R3HDM1: variants seen among roughly 807,000 people sequenced by gnomAD.
R3HDM1 encodes R3H domain-containing protein 1.
In R3HDM1, 46 loss-of-function variants were observed where a neutral mutation model predicts 141.1. That is an observed-to-expected ratio of 0.33 (90% CI 0.26 to 0.42). The LOEUF is 0.42. Among genes scored for constraint, R3HDM1 ranks in the 10% least tolerant of loss-of-function variants. The pLI, the probability that R3HDM1 is intolerant of heterozygous loss-of-function variation, is 1.00. For synonymous variants in R3HDM1, 435 were observed against 472.9 expected (o/e 0.92, Z 1.04); for missense variants, 1,184 against 1,368.3 (o/e 0.87, Z 2.12).
At chr2:135,591,125 T>C (rs1366263997) in intron 1 of R3HDM1, among the ~76,000 whole-genome samples, 1 of 152,174 alleles carries the variant, frequency 6.6e-6, no homozygotes, top group African/African-American at 2.4e-5. Context: ...ATTCAACTGC[T>C]AGAGAATGTG....
intron 23 of R3HDM1, among the ~76,000 whole-genome samples, chr2:135,714,731 A>C (rs943308924): frequency 6.7e-6 from 1 of 150,058 alleles, no homozygotes; most frequent in Non-Finnish European, 1.5e-5. Context: ...GTTCCAAAAA[A>C]CACAGTGATA....
intron 7 of R3HDM1, among the ~76,000 whole-genome samples, chr2:135,630,600 G>C (rs2062610943): frequency 6.6e-6 from 1 of 152,114 alleles, no homozygotes; most frequent in Non-Finnish European, 1.5e-5. Flanking sequence ...AGTGTAGGAG[G>C]AGAATCAAAT....
chr2:135,600,785 T>G (rs1228265084), intron 1 of R3HDM1, among the ~76,000 whole-genome samples: 1 of 152,210 alleles, frequency 6.6e-6, no homozygotes. Context: ...ACTGGTTGTG[T>G]GACTTTGAAG....
intron 19 of R3HDM1, chr2:135,667,248 C>G: frequency 2.1e-6 from 2 of 957,622 alleles, no homozygotes; most frequent in Non-Finnish European, 2.5e-6. Context: ...CTGTGGAGCC[C>G]TCCAGGGAAG....
chr2:135,694,248 A>G (rs1227771169), intron 21 of R3HDM1, among the ~76,000 whole-genome samples: 3 of 152,204 alleles, frequency 2.0e-5, no homozygotes, highest in Admixed American at 2.0e-4. Context: ...CAACCTATAT[A>G]ACAAGCAGTC....
intron 1 of R3HDM1, among the ~76,000 whole-genome samples, chr2:135,556,052 A>T (rs573016670): frequency 2.0e-4 from 30 of 152,248 alleles, no homozygotes; most frequent in African/African-American, 6.7e-4. Flanking sequence ...GAAGGAATGA[A>T]GTGTTGACAC....
intron 19 of R3HDM1, 108 bp from the exon 20 acceptor site, chr2:135,675,224 T>A: frequency 8.7e-7 from 1 of 1,155,432 alleles, no homozygotes; most frequent in Non-Finnish European, 1.2e-6. Context: ...TACCATTTAA[T>A]CAAAATTTTA....
intron 21 of R3HDM1, among the ~76,000 whole-genome samples, chr2:135,685,822 G>C (rs2071231484): frequency 1.3e-5 from 2 of 152,142 alleles, no homozygotes; most frequent in Non-Finnish European, 1.5e-5. Context: ...AAGCCAGTGT[G>C]ACCTTGGACA....
intron 1 of R3HDM1, among the ~76,000 whole-genome samples, chr2:135,547,251 A>C (rs1032330476): frequency 6.6e-6 from 1 of 152,190 alleles, no homozygotes; most frequent in Non-Finnish European, 1.5e-5. Context: ...ATTTTTAAAA[A>C]TCAAAACAGT....
chr2:135,556,127 G>GTAC (rs1224013497), intron 1 of R3HDM1, among the ~76,000 whole-genome samples: 2 of 152,180 alleles, frequency 1.3e-5, no homozygotes, highest in East Asian at 3.9e-4. Context: ...AAAGGACCAT[G>GTAC]TACTGTATGA....
At chr2:135,692,871 G>A (rs2072661895) in intron 21 of R3HDM1, among the ~76,000 whole-genome samples, 1 of 152,174 alleles carries the variant, frequency 6.6e-6, no homozygotes, top group East Asian at 1.9e-4. Flanking sequence ...TTTATGTTAA[G>A]TGAGGATTAA....
At chr2:135,684,351 A>G (rs965406456) in intron 21 of R3HDM1, among the ~76,000 whole-genome samples, 1 of 152,192 alleles carries the variant, frequency 6.6e-6, no homozygotes, top group African/African-American at 2.4e-5. Context: ...GGCCTCCCAA[A>G]GTGCTGGGAT....
chr2:135,637,044 G>A lies in R3HDM1; in HGVS notation c.903+861G>A, dbSNP rs539237968. Among the ~76,000 whole-genome samples, 11 of 152,250 alleles carry A rather than the reference G, an allele frequency of 7.2e-5. No homozygotes were observed. In the South Asian group the frequency reaches 2.1e-3, roughly 29 times the overall value. ...ATAGAGATCACACAGCTAGAAAATGGCAGAGTTGGGATTTCAACCCAGGTC... is the reference window on the plus strand; with the variant it reads ...ATAGAGATCACACAGCTAGAAAATGACAGAGTTGGGATTTCAACCCAGGTC... On this transcript the variant is annotated intron_variant, in intron 11 of 26. Transcript: ENST00000683871.
chr2:135,637,274 T>TA (rs2063350411), intron 11 of R3HDM1, among the ~76,000 whole-genome samples: 1 of 152,124 alleles, frequency 6.6e-6, no homozygotes, highest in Non-Finnish European at 1.5e-5. Context: ...GAAGTAACCT[T>TA]ACAGGAGTGA....
chr2:135,693,361 C>CA (rs111362301), intron 21 of R3HDM1, among the ~76,000 whole-genome samples: 58 of 142,606 alleles, frequency 4.1e-4, no homozygotes, highest in African/African-American at 7.2e-4. Flanking sequence ...TGATAGCCAG[C>CA]AAAAAAAAAA....
chr2:135,681,443 T>C (rs2070287791), intron 21 of R3HDM1, among the ~76,000 whole-genome samples: 1 of 152,190 alleles, frequency 6.6e-6, no homozygotes, highest in Admixed American at 6.5e-5. Flanking sequence ...GGCTGAATGA[T>C]TGTAGGAAGT....
At position 135,531,828 on chromosome 2, in the gene R3HDM1, C is replaced by G. The variant is rs1232572885; in HGVS notation, c.-250+195C>G. 21 of 985,416 alleles carry G rather than the reference C, an allele frequency of 2.1e-5. No individual in the cohort carries two copies. The East Asian group carries it at 1.5e-3, about 69-fold the overall frequency. 61.0% of individuals were successfully genotyped at this position (985,416 alleles called of 1,614,324 possible). A position where few individuals can be genotyped will look rare whatever the true frequency, so the allele number is the denominator to read the frequency against. ...CCTTCTGACGTCCCGCTGCTGCCAG[C>G]CCGCCGTTAGGTCGGGTTCCGAGTG... On this transcript the variant is annotated intron_variant, in intron 1 of 26. Coordinates refer to ENST00000683871, the MANE Select transcript of R3HDM1 (RefSeq NM_001378107.1).
intron 1 of R3HDM1, chr2:135,590,415 A>G (rs1375948976): frequency 8.2e-6 from 3 of 364,920 alleles, no homozygotes; most frequent in Non-Finnish European, 1.1e-5. Context: ...ATGAATGACA[A>G]AAAAACTGTA....
intron 1 of R3HDM1, among the ~76,000 whole-genome samples, chr2:135,549,448 G>A (rs779286443): frequency 3.3e-5 from 5 of 151,646 alleles, no homozygotes; most frequent in Admixed American, 6.6e-5. Context: ...CCAGCTACTC[G>A]GGAGACGGAG....
Sources: allele counts gnomAD v4.1 joint callset (sites outside exome capture counted in the v4.1 genomes callset), GRCh38; gene constraint gnomAD v4.1.1; transcripts MANE v1.5; gene names NCBI Gene and HGNC (gene_info 2026-07-23, HGNC 2026-07-21).